Variants in GRID1 observed in about 807,000 individuals in gnomAD.
GRID1 encodes glutamate ionotropic receptor delta type subunit 1.
Under a neutral mutation model 98.0 loss-of-function variants are expected in GRID1, and 28 were observed. The ratio of observed to expected loss-of-function variants is 0.29; its 90% CI spans 0.21 to 0.39. The LOEUF (loss-of-function observed/expected upper bound fraction) is 0.39. Among genes scored for constraint, GRID1 ranks in the 10% least tolerant of loss-of-function variants. GRID1 has a pLI of 1.00. For synonymous variants in GRID1, 553 were observed against 538.5 expected (o/e 1.03, Z -0.37); for missense variants, 1,111 against 1,340.5 (o/e 0.83, Z 2.67).
At chr10:85,702,301 A>T (rs976115481) in intron 12 of GRID1, among the ~76,000 whole-genome samples, 2 of 152,072 alleles carry the variant, frequency 1.3e-5, no homozygotes, top group Admixed American at 1.3e-4. Flanking sequence ...ATAGTCATTA[A>T]TATTGCTAAA....
intron 5 of GRID1, among the ~76,000 whole-genome samples, chr10:85,877,346 C>T (rs1843345231): frequency 6.6e-6 from 1 of 152,226 alleles, no homozygotes; most frequent in African/African-American, 2.4e-5. Context: ...AACTGGGAGG[C>T]ACCCCCCAGT....
intron 4 of GRID1, among the ~76,000 whole-genome samples, chr10:85,924,722 A>T (rs949739952): frequency 4.6e-5 from 7 of 152,340 alleles, no homozygotes; most frequent in African/African-American, 1.7e-4. Context: ...GAAAGAAAGA[A>T]AGAATAATTG....
chr10:85,723,424 T>C (rs986267637), intron 11 of GRID1, among the ~76,000 whole-genome samples: 1 of 152,176 alleles, frequency 6.6e-6, no homozygotes, highest in Non-Finnish European at 1.5e-5. Flanking sequence ...GGGGTCTGAA[T>C]ATCAAAATCT....
intron 5 of GRID1, among the ~76,000 whole-genome samples, chr10:85,902,775 T>C (rs1388198383): frequency 6.6e-6 from 1 of 152,218 alleles, no homozygotes; most frequent in East Asian, 1.9e-4. Context: ...TCTTGAGGGT[T>C]CTGTCCTCCC....
intron 3 of GRID1, among the ~76,000 whole-genome samples, chr10:86,161,503 C>G (rs966258299): frequency 6.6e-6 from 1 of 152,078 alleles, no homozygotes; most frequent in African/African-American, 2.4e-5. Flanking sequence ...ATGCCCTAAC[C>G]CCATTACACA....
chr10:85,915,082 G>A (rs7912818), intron 5 of GRID1, among the ~76,000 whole-genome samples: 1,764 of 152,194 alleles, frequency 0.012, 31 homozygotes, highest in African/African-American at 0.032. Context: ...CACGATCCCT[G>A]GTGTTGCCAT....
At chr10:85,901,461 G>T (rs1192367376) in intron 5 of GRID1, among the ~76,000 whole-genome samples, 2 of 152,072 alleles carry the variant, frequency 1.3e-5, no homozygotes, top group Non-Finnish European at 1.5e-5. Flanking sequence ...TGTTAGCCAG[G>T]ATGGTCTCAA....
At position 86,329,453 on chromosome 10, in the gene GRID1, G is replaced by A. The variant is rs545530192; in HGVS notation, c.235+34488C>T. ...ATGGAAGCCAGGAGGAAGGGGGCCC[G>A]CTGATGTCCATGGACCAGAGCCTGA... is the stretch of plus-strand genomic sequence containing the variant. On this transcript the variant is annotated intron_variant, in intron 2 of 15. Coordinates refer to ENST00000327946, the MANE Select transcript of GRID1 (RefSeq NM_017551.3). Among the ~76,000 whole-genome samples, 10 of 152,316 alleles carry A rather than the reference G, an allele frequency of 6.6e-5. 1 individual carries two copies. Among genetic ancestry groups the A allele is most frequent in the South Asian group, 6.2e-4 (3 of 4,822 alleles).
At chr10:86,280,145 G>T (rs1281789987) in intron 2 of GRID1, among the ~76,000 whole-genome samples, 1 of 152,194 alleles carries the variant, frequency 6.6e-6, no homozygotes, top group Non-Finnish European at 1.5e-5. Context: ...CAAGGCTACA[G>T]TGAGCTATGA....
At chr10:85,832,755 A>G (rs778726529) in intron 8 of GRID1, among the ~76,000 whole-genome samples, 1 of 152,126 alleles carries the variant, frequency 6.6e-6, no homozygotes, top group Non-Finnish European at 1.5e-5. Context: ...ACAGACCTAG[A>G]ATTTTCTAAA....
intron 4 of GRID1, among the ~76,000 whole-genome samples, chr10:86,019,609 C>T (rs1843023824): frequency 6.6e-6 from 1 of 152,212 alleles, no homozygotes; most frequent in East Asian, 1.9e-4. Flanking sequence ...TTTAATCCTC[C>T]CAGAACTCCA....
At chr10:86,291,628 C>T (rs532075645) in intron 2 of GRID1, among the ~76,000 whole-genome samples, 1 of 152,344 alleles carries the variant, frequency 6.6e-6, no homozygotes, top group Non-Finnish European at 1.5e-5. Flanking sequence ...CTGTCCCCAA[C>T]ACCACTCTCT....
intron 4 of GRID1, among the ~76,000 whole-genome samples, chr10:86,060,375 G>T (rs1162395024): frequency 1.3e-5 from 2 of 152,152 alleles, no homozygotes; most frequent in African/African-American, 4.8e-5. Context: ...CTAGCTACAG[G>T]GGCGAAGTGG....
chr10:85,957,688 A>G (rs983160043), intron 4 of GRID1, among the ~76,000 whole-genome samples: 12 of 152,214 alleles, frequency 7.9e-5, no homozygotes, highest in Admixed American at 2.0e-4. Context: ...AATCCCAGAC[A>G]GGATTGGTAC....
intron 2 of GRID1, among the ~76,000 whole-genome samples, chr10:86,334,498 T>C (rs529575319): frequency 3.0e-4 from 45 of 152,198 alleles, no homozygotes; most frequent in Non-Finnish European, 5.9e-4. Flanking sequence ...TGCCTGGTTA[T>C]GGTTCGTGTC....
intron 3 of GRID1, among the ~76,000 whole-genome samples, chr10:86,177,806 C>G (rs1311758855): frequency 3.3e-5 from 5 of 151,834 alleles, no homozygotes. Flanking sequence ...GAAATAGAGA[C>G]TTTAGCGTAT....
intron 3 of GRID1, among the ~76,000 whole-genome samples, chr10:86,177,648 T>C (rs1200556945): frequency 6.6e-6 from 1 of 150,892 alleles, no homozygotes; most frequent in South Asian, 2.1e-4. Flanking sequence ...TGTGTATGCA[T>C]GTGTGTGTGA....
intron 13 of GRID1, among the ~76,000 whole-genome samples, chr10:85,631,268 C>T (rs1396139335): frequency 6.6e-6 from 1 of 152,218 alleles, no homozygotes; most frequent in Non-Finnish European, 1.5e-5. Context: ...TCCTCTCTGT[C>T]ACATCAAAAG....
intron 5 of GRID1, among the ~76,000 whole-genome samples, chr10:85,883,071 AC>A (rs1162174968): frequency 1.3e-5 from 2 of 152,092 alleles, no homozygotes; most frequent in African/African-American, 4.8e-5. Flanking sequence ...AATATGTAGG[AC>A]GTTTTCATTC....
Sources: allele counts gnomAD v4.1 joint callset (sites outside exome capture counted in the v4.1 genomes callset), GRCh38; gene constraint gnomAD v4.1.1; transcripts MANE v1.5; gene names NCBI Gene and HGNC (gene_info 2026-07-23, HGNC 2026-07-21).